The following CELF2 variants were observed in gnomAD, a reference collection of about 807,000 sequenced individuals.
CELF2 encodes CUG triplet repeat RNA-binding protein 2.
Under a neutral mutation model 62.6 loss-of-function variants are expected in CELF2, and 8 were observed. The ratio of observed to expected loss-of-function variants is 0.13; its 90% CI spans 0.07 to 0.23. The LOEUF (loss-of-function observed/expected upper bound fraction) is 0.23. Ranked by LOEUF, CELF2 falls within the 10% of genes least tolerant of loss-of-function variation. CELF2 has a pLI of 1.00. For synonymous variants in CELF2, 258 were observed against 250.0 expected, an observed-to-expected ratio of 1.03 and a Z score of -0.30; for missense variants, 333 against 671.0, an observed-to-expected ratio of 0.50 and a Z score of 5.56.
chr10:10,958,866 A>G (rs1223589723), intron 2 of CELF2, among the ~76,000 whole-genome samples: 1 of 152,128 alleles, frequency 6.6e-6, no homozygotes, highest in Non-Finnish European at 1.5e-5. Flanking sequence ...AAAAGAAAAC[A>G]AAGAATAGGG....
At chr10:10,780,416 T>C in the CELF2 span, among the ~76,000 whole-genome samples, 4 of 152,208 alleles carry the variant, frequency 2.6e-5, no homozygotes, top group Non-Finnish European at 5.9e-5. Context: ...AAGAGACCTC[T>C]TTCCATCCTA....
intron 1 of CELF2, among the ~76,000 whole-genome samples, chr10:11,037,555 A>C (rs963881580): frequency 1.3e-5 from 2 of 152,172 alleles, no homozygotes; most frequent in African/African-American, 4.8e-5. Flanking sequence ...AGTGGAGTCT[A>C]TCTGCTTGGT....
At chr10:11,099,354 T>G (rs1301996642) in intron 1 of CELF2, among the ~76,000 whole-genome samples, 2 of 152,244 alleles carry the variant, frequency 1.3e-5, no homozygotes, top group Non-Finnish European at 2.9e-5. Flanking sequence ...ACATTCGTAT[T>G]TTTTAATAAC....
chr10:10,713,805 C>T, the CELF2 span, among the ~76,000 whole-genome samples: 1 of 152,164 alleles, frequency 6.6e-6, no homozygotes, highest in African/African-American at 2.4e-5. Flanking sequence ...GAGGCTGAGG[C>T]AGGTGGATCA....
the CELF2 span, among the ~76,000 whole-genome samples, chr10:10,703,881 T>C: frequency 6.6e-6 from 1 of 152,220 alleles, no homozygotes; most frequent in South Asian, 2.1e-4. Flanking sequence ...CCCTAATCAA[T>C]ACAGCAGTGT....
chr10:10,665,160 T>A, the CELF2 span, among the ~76,000 whole-genome samples: 1 of 152,022 alleles, frequency 6.6e-6, no homozygotes, highest in Non-Finnish European at 1.5e-5. Flanking sequence ...AGAAGAAAAA[T>A]TAATGTTAAA....
At chr10:11,047,585 T>C (rs2063092060) in intron 1 of CELF2, among the ~76,000 whole-genome samples, 1 of 152,146 alleles carries the variant, frequency 6.6e-6, no homozygotes, top group African/African-American at 2.4e-5. Context: ...CGTCTTTGAT[T>C]CCTAAAGAAG....
In CELF2 at chr10:11,314,023, G is replaced by A. The variant is rs1385008380; in HGVS notation, c.977-116G>A. 2 of 1,096,702 alleles carry A rather than the reference G, an allele frequency of 1.8e-6. No homozygotes were observed. Among genetic ancestry groups the A allele is most frequent in the Non-Finnish European group, 2.7e-6 (2 of 754,284 alleles). The allele number at this position is 1,096,702 out of a possible 1,614,324, so 67.9% of individuals were successfully genotyped here. On this transcript the variant is annotated intron_variant, in intron 9 of 12. Transcript: ENST00000633077. The surrounding 1 kb of genome is among the most constrained non-coding windows in gnomAD (Gnocchi z 5.3). ...CAATCCCACATGTCCTTCACCCAAA[G>A]CCACAAGCACAGCTCCTCAGCTCCG...
chr10:10,780,255 C>G, the CELF2 span, among the ~76,000 whole-genome samples: 5 of 152,112 alleles, frequency 3.3e-5, no homozygotes, highest in Non-Finnish European at 5.9e-5. Context: ...TTTTATAGAG[C>G]TTCCCAATCT....
chr10:10,696,538 G>A, the CELF2 span, among the ~76,000 whole-genome samples: 1 of 151,840 alleles, frequency 6.6e-6, no homozygotes, highest in African/African-American at 2.4e-5. Context: ...CACCCAGTTC[G>A]AGCTTCCCTG....
rs2047857736 is a variant in CELF2, at chr10:10,947,756, C to CT, written c.89+27757_89+27758insT. 6.6e-6 allele frequency among the ~76,000 whole-genome samples: 1 copy of CT among 152,160 alleles called. No individual in the cohort carries two copies. Among genetic ancestry groups the CT allele is most frequent in the Non-Finnish European group, 1.5e-5 (1 of 68,040 alleles). ...TGAGTAGCGTAAGAAGACACATACA[C>CT]ACATCTTCACCACAGAAGAAAAATA... is the stretch of plus-strand genomic sequence containing the variant. On this transcript the variant is annotated intron_variant, in intron 2 of 13. Transcript: ENST00000636488. The surrounding 1 kb of genome is among the most constrained non-coding windows in gnomAD (Gnocchi z 4.1).
chr10:11,207,897 A>T lies in CELF2; in HGVS notation c.272-9528A>T, dbSNP rs1219083350. On this transcript the variant is annotated intron_variant, in intron 2 of 12. Transcript: ENST00000633077. The surrounding 1 kb of genome is among the most constrained non-coding windows in gnomAD (Gnocchi z 4.1). ...GGAAGTCCCATTTTTAGGTGGGGAA[A>T]AAAGGGTTGTGTTAGGTGACTGTTG... Among the ~76,000 whole-genome samples, 1 of 152,212 alleles carries T rather than the reference A, an allele frequency of 6.6e-6. No homozygotes were observed.
chr10:10,770,119 GA>G, the CELF2 span, among the ~76,000 whole-genome samples: 1 of 152,174 alleles, frequency 6.6e-6, no homozygotes. Context: ...GGTTTCTGAT[GA>G]GAGCTTCTAG....
rs2094869433 is a variant in CELF2 at position 11,315,238 on chromosome 10, T to C, written c.1096+980T>C. Among the ~76,000 whole-genome samples, 1 of 152,140 alleles carries C rather than the reference T, an allele frequency of 6.6e-6. No homozygotes were observed. The highest frequency in any genetic ancestry group is 1.5e-5 in the Non-Finnish European group (1 of 68,036). On this transcript the variant is annotated intron_variant, in intron 10 of 12. Coordinates refer to ENST00000633077, the MANE Select transcript of CELF2 (RefSeq NM_001326342.2). This position sits in a 1 kb window ranked among gnomAD's most constrained non-coding sequence, Gnocchi z 5.8. ...CCTGAGAGTAGCCAAGCCCAGCAGA[T>C]CCACGACAGCTAACAGAGCTGCTGA...
the CELF2 span, among the ~76,000 whole-genome samples, chr10:10,570,666 C>T: frequency 6.6e-6 from 1 of 151,498 alleles, no homozygotes; most frequent in Non-Finnish European, 1.5e-5. Context: ...TGTAAGATGC[C>T]ACAATATAAG....
chr10:10,980,199 C>G (rs1189519947), intron 2 of CELF2, among the ~76,000 whole-genome samples: 3 of 152,178 alleles, frequency 2.0e-5, no homozygotes, highest in African/African-American at 7.2e-5. Flanking sequence ...CGGCAGCCAG[C>G]CTTGGCTTCG....
chr10:10,864,270 A>G (rs970065510), intron 1 of CELF2, among the ~76,000 whole-genome samples: 3 of 152,004 alleles, frequency 2.0e-5, no homozygotes, highest in Non-Finnish European at 4.4e-5. Flanking sequence ...CACCTATTAA[A>G]TCTCAGAAAG....
the CELF2 span, among the ~76,000 whole-genome samples, chr10:10,475,722 G>T: frequency 2.6e-5 from 4 of 152,134 alleles, no homozygotes; most frequent in Admixed American, 6.6e-5. Context: ...CTAGTTACTT[G>T]TTAACACTTT....
intron 2 of CELF2, among the ~76,000 whole-genome samples, chr10:10,996,086 G>A (rs183565305): frequency 3.5e-4 from 54 of 152,290 alleles, no homozygotes; most frequent in Non-Finnish European, 7.2e-4. Context: ...TTATGCAAAT[G>A]TAGAGTTTCT....
Sources: gnomAD v4.1 joint callset for allele counts (sites outside exome capture counted in the v4.1 genomes callset) on GRCh38, gnomAD v4.1.1 for gene constraint, Gnocchi (gnomAD v3.1) non-coding constraint, MANE v1.5 for transcripts, NCBI Gene and HGNC (gene_info 2026-07-23, HGNC 2026-07-21) for gene names.